EPG5: variants seen among roughly 807,000 people sequenced by gnomAD.
The protein encoded by EPG5 is ectopic P granules protein 5 homolog.
EPG5 carries 159 observed loss-of-function variants against 302.7 expected under a neutral mutation model. That is an observed-to-expected ratio of 0.53 (90% CI 0.46 to 0.60). EPG5 has a LOEUF of 0.60. EPG5 is among the 20% of genes least tolerant of loss of function. The pLI is 0.00. For missense variants in EPG5, 2,896 were observed against 3,092.4 expected (o/e 0.94, Z 1.51); for synonymous variants, 1,158 against 1,136.8 (o/e 1.02, Z -0.37).
intron 39 of EPG5, among the ~76,000 whole-genome samples, chr18:45,864,212 C>A (rs2048694217): frequency 6.6e-6 from 1 of 152,122 alleles, no homozygotes; most frequent in African/African-American, 2.4e-5. Flanking sequence ...TCCTGGCCAT[C>A]AGCAATCCTC....
In EPG5 at chr18:45,887,501, G is replaced by A. The variant is rs1052339482; in HGVS notation, c.5109+250C>T. ...GTACTGTTATTGTTAAGAACACCAAGGATATATGACAAGTTCTGATGTCTC... is the reference window on the plus strand; with the variant it reads ...GTACTGTTATTGTTAAGAACACCAAAGATATATGACAAGTTCTGATGTCTC... On this transcript the variant is annotated intron_variant, in intron 29 of 43. Transcript: ENST00000282041. Among the ~76,000 whole-genome samples, 6 of 152,110 alleles carry A rather than the reference G, an allele frequency of 3.9e-5. No homozygotes were observed. The East Asian group carries it at 5.8e-4, about 15-fold the overall frequency.
Position 45,944,014 on chromosome 18 carries a change from T to G in EPG5, c.1783A>C (p.Lys595Gln), listed in dbSNP as rs1483709735. The change falls in exon 8 of 44, where the codon AAA becomes CAA. Residue 595 changes from lysine (K) to glutamine (Q), a missense_variant. Coordinates refer to ENST00000282041, the MANE Select transcript of EPG5 (RefSeq NM_020964.3). Reference sequence around the variant, plus strand: ...AGAGAAATGAGTCTACCTTTTGCTTTAAACCCAAGAAGATGCTGAAAGAGT... The same window carrying G: ...AGAGAAATGAGTCTACCTTTTGCTTGAAACCCAAGAAGATGCTGAAAGAGT... ...HELFQHLLGF[K>Q]AKGDYLPETT... is the part of the protein sequence containing the mutation. The G allele has an allele frequency of 6.2e-7, 1 of 1,609,598 alleles. No homozygotes were observed. Among genetic ancestry groups the G allele is most frequent in the East Asian group, 2.2e-5 (1 of 44,858 alleles).
At position 45,954,956 on chromosome 18, in the gene EPG5, C is replaced by G. The variant is rs1241104458; in HGVS notation, c.446G>C (p.Gly149Ala). Reference sequence around the variant, plus strand: ...TTGGGGTGCACTTTCTGAAAGTCCACCTTGTACCGACATATTTTCCTCTAC... The same window carrying G: ...TTGGGGTGCACTTTCTGAAAGTCCAGCTTGTACCGACATATTTTCCTCTAC... The part of the protein sequence containing the change: ...TEVEENMSVQ[G>A]GLSESAPQSN... Residue 149 changes from glycine (G) to alanine (A), a missense_variant, in exon 2 of 44, where the codon GGT (glycine) becomes GCT (alanine). Physicochemically the swap from Gly to Ala is moderately conservative, Grantham distance 60. Around this residue, in one of 5 missense-constraint regions of EPG5, gnomAD observed 1,390 missense variants for 1,430.0 expected, o/e 0.97. Transcript: ENST00000282041. 4 of 1,613,908 alleles carry G rather than the reference C, an allele frequency of 2.5e-6. No individual in the cohort carries two copies. The highest frequency in any genetic ancestry group is 3.3e-5 in the Admixed American group (2 of 59,956).
intron 19 of EPG5, 52 bp downstream of exon 19, chr18:45,915,957 C>T: frequency 1.4e-6 from 2 of 1,478,756 alleles, no homozygotes; most frequent in Middle Eastern, 4.9e-4. Flanking sequence ...TTTTAGAAAG[C>T]TACTTTATCT....
At position 45,865,615 on chromosome 18, in the gene EPG5, C is replaced by T. The variant is rs746819105; in HGVS notation, c.6766G>A (p.Asp2256Asn). 20 of 1,613,664 alleles carry T rather than the reference C, an allele frequency of 1.2e-5. No homozygotes were observed. Among genetic ancestry groups the T allele is most frequent in the Admixed American group, 3.3e-5 (2 of 59,952 alleles). Residue 2256 changes from aspartate to asparagine, a missense_variant and splice_region_variant, in exon 39 of 44, where the codon GAC becomes AAC. By Grantham distance (23) the Asp-to-Asn change is conservative. Transcript: ENST00000282041. The stretch of plus-strand genomic sequence containing the variant: ...ACAGGACTTCCGACTGGTCACTTAC[C>T]GGGCGGGTTAAAGACAATGATATCG... ...LDDIIVFNPP[D>N]MDSQTRHMAL...
chr18:45,920,112 T>C (rs1248188002), intron 16 of EPG5, among the ~76,000 whole-genome samples: 1 of 152,196 alleles, frequency 6.6e-6, no homozygotes, highest in African/African-American at 2.4e-5. Context: ...ATCATTTCCC[T>C]TCCTCTCCCC....
At chr18:45,890,558 A>C (rs2049320250) in intron 27 of EPG5, among the ~76,000 whole-genome samples, 1 of 148,996 alleles carries the variant, frequency 6.7e-6, no homozygotes, top group South Asian at 2.1e-4. Context: ...TGGAAAAACA[A>C]GGAGAATTTA....
intron 24 of EPG5, 117 bp downstream of exon 24, chr18:45,907,841 A>T (rs1463208628): frequency 2.0e-6 from 2 of 991,628 alleles, no homozygotes; most frequent in East Asian, 5.3e-5. Flanking sequence ...AACAATGACC[A>T]TCTGAGTGAC....
Position 45,925,830 on chromosome 18 carries a change from G to GA in EPG5, c.2625dup (p.Arg876SerfsTer15), listed in dbSNP as rs1298464626. The GA allele has an allele frequency of 6.3e-7, 1 of 1,583,742 alleles. No individual in the cohort carries two copies. Among genetic ancestry groups the GA allele is most frequent in the Non-Finnish European group, 8.6e-7 (1 of 1,166,944 alleles). On this transcript the variant is annotated frameshift_variant, in exon 14 of 44. Coordinates refer to ENST00000282041, the MANE Select transcript of EPG5 (RefSeq NM_020964.3). LOFTEE classifies it high-confidence loss of function. ...AGGTTGTAATTCAATAACCAATCCC[G>GA]AATCACCGCTATCTCAGATGCAGAA...
intron 42 of EPG5, 36 bp downstream of exon 42, chr18:45,857,817 A>G (rs1161102413): frequency 1.3e-6 from 2 of 1,582,690 alleles, no homozygotes; most frequent in Non-Finnish European, 8.7e-7. Context: ...TCTGAGGCCT[A>G]TTTAGAACAA....
chr18:45,838,529 A>G, the EPG5 span: 35 of 768,134 alleles, frequency 4.6e-5, no homozygotes, highest in East Asian at 9.5e-4. Context: ...CTCACTTTAC[A>G]CATGGAGAAG....
chr18:45,929,231 T>A (rs1360970856), intron 12 of EPG5, among the ~76,000 whole-genome samples: 1 of 152,222 alleles, frequency 6.6e-6, no homozygotes, highest in East Asian at 1.9e-4. Context: ...CTTATAACAA[T>A]GACTTCAAGT....
chr18:45,825,885 C>A, the EPG5 span: 4 of 1,387,790 alleles, frequency 2.9e-6, no homozygotes, highest in East Asian at 2.4e-5. Context: ...TGTGCAGAGC[C>A]TCCAGGCCTG....
chr18:45,925,678 CT>C (rs2050251446), intron 14 of EPG5, 59 bp downstream of exon 14: 2 of 1,309,902 alleles, frequency 1.5e-6, no homozygotes, highest in South Asian at 4.4e-5. Flanking sequence ...TGACAAAATC[CT>C]TCTTTGAAAC....
chr18:45,814,100 G>C, the EPG5 span, among the ~76,000 whole-genome samples: 1 of 151,986 alleles, frequency 6.6e-6, no homozygotes, highest in Admixed American at 6.6e-5. Flanking sequence ...TAAACCAAAG[G>C]AACCTGGAAG....
intron 10 of EPG5, among the ~76,000 whole-genome samples, chr18:45,937,278 A>T (rs1211166527): frequency 7.2e-6 from 1 of 138,286 alleles, no homozygotes; most frequent in Non-Finnish European, 1.5e-5. Context: ...ACACACACAC[A>T]TATGTATACA....
intron 36 of EPG5, among the ~76,000 whole-genome samples, chr18:45,869,020 A>C (rs952750041): frequency 5.3e-5 from 8 of 151,038 alleles, no homozygotes; most frequent in African/African-American, 1.9e-4. Flanking sequence ...GTGCCACTGC[A>C]CTCCAGCCTG....
the EPG5 span, among the ~76,000 whole-genome samples, chr18:45,824,579 T>G: frequency 1.3e-5 from 2 of 152,150 alleles, no homozygotes; most frequent in African/African-American, 4.8e-5. Flanking sequence ...TTTTCAAAAG[T>G]CGCTGTGCTT....
chr18:45,877,677 G>A (rs1157241762), intron 34 of EPG5, among the ~76,000 whole-genome samples: 1 of 152,160 alleles, frequency 6.6e-6, no homozygotes, highest in African/African-American at 2.4e-5. Context: ...AGAAACAGAA[G>A]TCTAAGACCT....
Sources: allele counts gnomAD v4.1 joint callset (sites outside exome capture counted in the v4.1 genomes callset), GRCh38; gene constraint gnomAD v4.1.1; regional missense constraint gnomAD v4.1.1; transcripts MANE v1.5; gene names NCBI Gene and HGNC (gene_info 2026-07-23, HGNC 2026-07-21).